SAXO1: variants seen among roughly 807,000 people sequenced by gnomAD.
SAXO1 encodes the protein 4930500O09Rik.
SAXO1 carries 21 observed loss-of-function variants against 17.5 expected under a neutral mutation model. That is an observed-to-expected ratio of 1.20 (90% CI 0.85 to 1.72). The LOEUF (loss-of-function observed/expected upper bound fraction) is 1.72. SAXO1 is among the 40% of genes most tolerant of loss of function. SAXO1 has a pLI of 0.00. For synonymous variants in SAXO1, 274 were observed against 216.5 expected, an observed-to-expected ratio of 1.27 and a Z score of -2.33; for missense variants, 843 against 596.0, an observed-to-expected ratio of 1.41 and a Z score of -4.32.
At chr9:19,027,433 C>T in intron 1 of SAXO1, 2 of 756,340 alleles carry the variant, frequency 2.6e-6, no homozygotes. Context: ...GATCCAGGAA[C>T]TGGTGGAGGC....
Position 19,005,445 on chromosome 9 carries a change from T to C in SAXO1, c.38+27426A>G, listed in dbSNP as rs560691918. Among the ~76,000 whole-genome samples the C allele has an allele frequency of 2.0e-5, 3 of 152,304 alleles. No individual in the cohort carries two copies. In the South Asian group the frequency reaches 6.2e-4, roughly 32 times the overall value. ...TAAGGACAGACATATAGACCAGTGG[T>C]ATAGAATAGAGCCCAGAAATAAACC... On this transcript the variant is annotated intron_variant, in intron 1 of 3. Transcript: ENST00000380534.
rs895888478 is a variant in SAXO1 at position 19,024,336 on chromosome 9, G to A, written c.38+8535C>T. 4.0e-5 allele frequency among the ~76,000 whole-genome samples: 6 copies of A among 151,472 alleles called. 1 individual carries two copies. Among genetic ancestry groups the A allele is most frequent in the East Asian group, 2.0e-4 (1 of 5,122 alleles). Reference sequence around the variant, plus strand: ...TCCTCACACCAACCTTAAGAATATCGCAAGGACAAAAAACCAAACACCGCA... The same window carrying A: ...TCCTCACACCAACCTTAAGAATATCACAAGGACAAAAAACCAAACACCGCA... On this transcript the variant is annotated intron_variant, in intron 1 of 3. Coordinates refer to ENST00000380534, the MANE Select transcript of SAXO1 (RefSeq NM_153707.4).
chr9:19,047,584 C>A (rs2131080357), intron 1 of SAXO1, among the ~76,000 whole-genome samples: 1 of 152,200 alleles, frequency 6.6e-6, no homozygotes, highest in South Asian at 2.1e-4. Context: ...AGTTTCAGAA[C>A]ACTAGAATAA....
chr9:18,977,297 T>C (rs1335057116), intron 1 of SAXO1, among the ~76,000 whole-genome samples: 1 of 152,228 alleles, frequency 6.6e-6, no homozygotes, highest in Non-Finnish European at 1.5e-5. Flanking sequence ...CTTCAGTGTC[T>C]CCCTTATAGC....
At chr9:18,958,522 G>A (rs1392193751) in intron 1 of SAXO1, among the ~76,000 whole-genome samples, 4 of 152,060 alleles carry the variant, frequency 2.6e-5, no homozygotes, top group African/African-American at 9.7e-5. Context: ...TGAAGTATAA[G>A]TCAGAGAAAA....
intron 1 of SAXO1, among the ~76,000 whole-genome samples, chr9:19,031,271 C>A (rs1415684583): frequency 1.3e-5 from 2 of 152,162 alleles, no homozygotes; most frequent in Non-Finnish European, 2.9e-5. Flanking sequence ...GTAAAGCATC[C>A]CAGTAGAAAG....
intron 1 of SAXO1, among the ~76,000 whole-genome samples, chr9:19,039,467 G>A (rs749236288): frequency 1.3e-5 from 2 of 152,206 alleles, no homozygotes; most frequent in Non-Finnish European, 2.9e-5. Flanking sequence ...CCTGTTTTAT[G>A]TACATCTACT....
intron 2 of SAXO1, 108 bp from the exon 3 acceptor site, chr9:18,941,947 C>G: frequency 9.9e-7 from 1 of 1,011,966 alleles, no homozygotes; most frequent in Non-Finnish European, 1.5e-6. Context: ...CTGTTCTACT[C>G]TACCTGCCTT....
intron 1 of SAXO1, among the ~76,000 whole-genome samples, chr9:19,022,177 T>G (rs1835267187): frequency 6.6e-6 from 1 of 152,168 alleles, no homozygotes. Context: ...GGCGCCACCT[T>G]TAAGAGCTGT....
chr9:18,948,016 G>A (rs1831866642), intron 2 of SAXO1, among the ~76,000 whole-genome samples: 5 of 152,196 alleles, frequency 3.3e-5, no homozygotes, highest in Admixed American at 3.3e-4. Flanking sequence ...CAGGGTCACT[G>A]TTTAGATAAA....
At chr9:18,936,272 G>A (rs902215817) in intron 3 of SAXO1, among the ~76,000 whole-genome samples, 1 of 152,138 alleles carries the variant, frequency 6.6e-6, no homozygotes, top group African/African-American at 2.4e-5. Context: ...TTCTCCAAGA[G>A]CCATTAACGG....
rs1014880053 is a variant in SAXO1, at chr9:19,027,970, C to T, written c.38+4901G>A. The T allele has an allele frequency of 7.9e-6, 12 of 1,526,878 alleles. No individual in the cohort carries two copies. The East Asian group carries it at 1.1e-4, about 14-fold the overall frequency. The allele number at this position is 1,526,878 out of a possible 1,614,324, so 94.6% of individuals were successfully genotyped here. A position where few individuals can be genotyped will look rare whatever the true frequency, so the allele number is the denominator to read the frequency against. On this transcript the variant is annotated intron_variant, in intron 1 of 3. Coordinates refer to ENST00000380534, the MANE Select transcript of SAXO1 (RefSeq NM_153707.4). Reference sequence around the variant, plus strand: ...GACGTGAACTGCGAGGGAGCTGACCCGCTGCACAGATGACTTCAACGGGGC... The same window carrying T: ...GACGTGAACTGCGAGGGAGCTGACCTGCTGCACAGATGACTTCAACGGGGC...
intron 1 of SAXO1, among the ~76,000 whole-genome samples, chr9:19,019,854 T>A (rs1366404036): frequency 6.6e-6 from 1 of 152,166 alleles, no homozygotes; most frequent in Admixed American, 6.5e-5. Context: ...GGGTCTTGGT[T>A]CCACATTCTG....
At position 18,950,666 on chromosome 9, in the gene SAXO1, A is replaced by C. The variant is rs1031197041; in HGVS notation, c.218+92T>G. On this transcript the variant is annotated intron_variant, in intron 2 of 3. Coordinates refer to ENST00000380534, the MANE Select transcript of SAXO1 (RefSeq NM_153707.4). The stretch of plus-strand genomic sequence containing the variant: ...TGATACTGCACATTAATGCATTAGC[A>C]CTGCACATTACATTAATATTATACA... 4 of 1,118,764 alleles carry C rather than the reference A, an allele frequency of 3.6e-6. No individual in the cohort carries two copies. In the African/African-American group the frequency reaches 4.7e-5, roughly 13 times the overall value. 69.3% of individuals were successfully genotyped at this position (1,118,764 alleles called of 1,614,324 possible).
Position 18,941,688 on chromosome 9 carries a change from C to G in SAXO1, c.370G>C (p.Asp124His), listed in dbSNP as rs148609380. 45 of 1,614,050 alleles carry G rather than the reference C, an allele frequency of 2.8e-5. No individual in the cohort carries two copies. The highest frequency in any genetic ancestry group is 3.3e-4 in the Middle Eastern group (2 of 6,084). The change falls in exon 3 of 4, where the codon GAC becomes CAC. Residue 124 changes from aspartate to histidine, a missense_variant. Coordinates refer to ENST00000380534, the MANE Select transcript of SAXO1 (RefSeq NM_153707.4). ...VCRVDPIKPR[D>H]SKYPCSDKME... ...TTGTCGCTACATGGATATTTACTGTCCCGAGGTTTGATGGGGTCCACTCGA... is the reference window on the plus strand; with the variant it reads ...TTGTCGCTACATGGATATTTACTGTGCCGAGGTTTGATGGGGTCCACTCGA...
intron 2 of SAXO1, among the ~76,000 whole-genome samples, chr9:18,949,764 G>T (rs536192506): frequency 1.3e-5 from 2 of 152,222 alleles, no homozygotes; most frequent in East Asian, 3.9e-4. Flanking sequence ...AGACCATCTG[G>T]GACCTTTACT....
chr9:18,936,948 T>C (rs1342883362), intron 3 of SAXO1, among the ~76,000 whole-genome samples: 4 of 152,264 alleles, frequency 2.6e-5, no homozygotes, highest in African/African-American at 7.2e-5. Context: ...ATATTTTTTC[T>C]GTGGAACAAA....
intron 1 of SAXO1, among the ~76,000 whole-genome samples, chr9:19,047,561 C>G (rs537382428): frequency 3.3e-5 from 5 of 149,486 alleles, no homozygotes; most frequent in African/African-American, 1.3e-4. Flanking sequence ...CTCAACAATG[C>G]CAATTATCAT....
chr9:19,034,019 C>T (rs1473786222), upstream of SAXO1, among the ~76,000 whole-genome samples: 1 of 152,150 alleles, frequency 6.6e-6, no homozygotes, highest in Admixed American at 6.5e-5. Flanking sequence ...ACCTCTAGTC[C>T]GGGAATCTAG....
Sources: gnomAD v4.1 joint callset for allele counts (sites outside exome capture counted in the v4.1 genomes callset) on GRCh38, gnomAD v4.1.1 for gene constraint, MANE v1.5 for transcripts, NCBI Gene and HGNC (gene_info 2026-07-23, HGNC 2026-07-21) for gene names.